Variants in CD300LD observed in about 807,000 individuals in gnomAD.
CD300LD encodes the protein CD300 molecule like family member d, also known as CMRF35-like molecule 5.
CD300LD carries 18 observed loss-of-function variants against 20.3 expected under a neutral mutation model. The ratio of observed to expected loss-of-function variants is 0.89; its 90% CI spans 0.61 to 1.32. The LOEUF is 1.32. CD300LD is among the 40% of genes most tolerant of loss of function. CD300LD has a pLI of 0.00. For missense variants in CD300LD, 195 were observed against 226.6 expected (o/e 0.86, Z 0.90); for synonymous variants, 104 against 90.1 (o/e 1.15, Z -0.87).
At chr17:74,580,441 G>T (rs2030008987) in intron 3 of CD300LD, among the ~76,000 whole-genome samples, 1 of 152,224 alleles carries the variant, frequency 6.6e-6, no homozygotes, top group Non-Finnish European at 1.5e-5. Context: ...GGCTTCTGCT[G>T]CATTCTGCAC....
chr17:74,584,319 C>T (rs776282939), intron 2 of CD300LD, among the ~76,000 whole-genome samples: 14 of 152,108 alleles, frequency 9.2e-5, no homozygotes, highest in African/African-American at 2.9e-4. Flanking sequence ...TCCAGGTACT[C>T]GAGAGTGTTT....
At chr17:74,581,999 G>A (rs2030045849) in intron 3 of CD300LD, among the ~76,000 whole-genome samples, 3 of 152,210 alleles carry the variant, frequency 2.0e-5, no homozygotes, top group Admixed American at 2.0e-4. Context: ...AGCATAGAAT[G>A]CTCAGTTAAA....
At position 74,588,562 on chromosome 17, in the gene CD300LD, CA is replaced by C. The variant is rs1029187269; in HGVS notation, c.327del (p.Glu110ArgfsTer13). On this transcript the variant is annotated frameshift_variant, in exon 2 of 4. Transcript: ENST00000375352. LOFTEE classifies it high-confidence loss of function. ...ACCCCAAGATCAATTCCAGGTCTCTCAGTCCCACACCAATAACTGTCAGCAT... is the reference window on the plus strand; with the variant it reads ...ACCCCAAGATCAATTCCAGGTCTCTCGTCCCACACCAATAACTGTCAGCAT... ...RDDADSYWCG[T>X]ERPGIDLGVK... 2.0e-5 allele frequency: 33 copies of C among 1,613,872 alleles called. No homozygotes were observed. The Admixed American group carries it at 4.2e-4, about 20-fold the overall frequency.
At position 74,582,410 on chromosome 17, in the gene CD300LD, G is replaced by T. The variant is rs572422105; in HGVS notation, c.380-99C>A. On this transcript the variant is annotated intron_variant, in intron 2 of 3. Transcript: ENST00000375352. The stretch of plus-strand genomic sequence containing the variant: ...TCCACCTAGGAATTAAGGAGCCTCT[G>T]CCTTGGGGTCCAAGACTGTCTGGTC... 2.0e-5 allele frequency: 18 copies of T among 880,130 alleles called. No homozygotes were observed. The African/African-American group carries it at 2.7e-4, about 13-fold the overall frequency. The allele number at this position is 880,130 out of a possible 1,614,324, so 54.5% of individuals were successfully genotyped here.
At chr17:74,589,994 C>A (rs1252008619) in intron 1 of CD300LD, among the ~76,000 whole-genome samples, 1 of 152,166 alleles carries the variant, frequency 6.6e-6, no homozygotes, top group East Asian at 1.9e-4. Context: ...TGAACCTGGG[C>A]AAATTAACCT....
At chr17:74,582,167 A>C (rs1287148920) in intron 3 of CD300LD, 51 bp downstream of exon 3, 2 of 1,461,708 alleles carry the variant, frequency 1.4e-6, no homozygotes, top group Non-Finnish European at 1.9e-6. Context: ...GTTAGAGGAG[A>C]GGCCATGGGG....
Position 74,579,543 on chromosome 17 carries a change from A to T in CD300LD, c.*459T>A, listed in dbSNP as rs1347605105. 2 of 158,016 alleles carry T rather than the reference A, an allele frequency of 1.3e-5. No homozygotes were observed. Among genetic ancestry groups the T allele is most frequent in the Non-Finnish European group, 2.8e-5 (2 of 71,842 alleles). 9.8% of individuals were successfully genotyped at this position (158,016 alleles called of 1,614,324 possible). ...AGGGGACTAGGAGGCTGTTCCCTGAAGCTGGGGCCAGCACTGCCTCTAGAA... is the reference window on the plus strand; with the variant it reads ...AGGGGACTAGGAGGCTGTTCCCTGATGCTGGGGCCAGCACTGCCTCTAGAA... On this transcript the variant is annotated 3_prime_UTR_variant, in exon 4 of 4. Transcript: ENST00000375352.
intron 2 of CD300LD, among the ~76,000 whole-genome samples, chr17:74,586,671 C>T (rs1219025564): frequency 2.0e-5 from 3 of 152,200 alleles, no homozygotes; most frequent in African/African-American, 4.8e-5. Flanking sequence ...AGTCAGAGAA[C>T]AGGTAACGTT....
At position 74,588,610 on chromosome 17, in the gene CD300LD, T is replaced by C. The variant is rs1343826555; in HGVS notation, c.280A>G (p.Met94Val). The C allele has an allele frequency of 3.7e-6, 6 of 1,613,988 alleles. No individual in the cohort carries two copies. In the African/African-American group the frequency reaches 8.0e-5, roughly 22 times the overall value. Residue 94 changes from methionine (M) to valine (V), a missense_variant, in exon 2 of 4, where the codon ATG (methionine) becomes GTG (valine). Transcript: ENST00000375352. ...GCATCATCTCTTTTGAGATTCTCCA[T>C]GGTCACGGTGAACACGTGGTTTTTC... ...NQKNHVFTVT[M>V]ENLKRDDADS...
rs896722411 is a variant in CD300LD at position 74,579,769 on chromosome 17, C to T, written c.*233G>A. The T allele has an allele frequency of 3.1e-5, 9 of 286,140 alleles. No homozygotes were observed. The highest frequency in any genetic ancestry group is 6.1e-5 in the Non-Finnish European group (9 of 147,910). The allele number at this position is 286,140 out of a possible 1,614,324, so 17.7% of individuals were successfully genotyped here. On this transcript the variant is annotated 3_prime_UTR_variant, in exon 4 of 4. Transcript: ENST00000375352. Reference sequence around the variant, plus strand: ...GGGTGGTGGCATGTGCCTGTAGCCCCAGCTACTCTGGAGGTTGAGGCAGGA... The same window carrying T: ...GGGTGGTGGCATGTGCCTGTAGCCCTAGCTACTCTGGAGGTTGAGGCAGGA...
chr17:74,592,188 T>C lies in CD300LD; in HGVS notation c.15A>G (p.Pro5=). 6.2e-7 allele frequency: 1 copy of C among 1,614,150 alleles called. No individual in the cohort carries two copies. The highest frequency in any genetic ancestry group is 8.5e-7 in the Non-Finnish European group (1 of 1,180,014). The change falls in exon 1 of 4, where the codon CCA becomes CCG. Residue 5 remains proline, a synonymous_variant. Transcript: ENST00000375352. Reference sequence around the variant, plus strand: ...CTGGGAGGATGAGAAGCAGCAGAGATGGGGACAGCCACATGGTCCTGTCTC... The same window carrying C: ...CTGGGAGGATGAGAAGCAGCAGAGACGGGGACAGCCACATGGTCCTGTCTC... MWLS[P]SLLLLILPGY...
chr17:74,587,878 T>A (rs2030203536), intron 2 of CD300LD, among the ~76,000 whole-genome samples: 1 of 150,400 alleles, frequency 6.6e-6, no homozygotes, highest in South Asian at 2.1e-4. Context: ...TAGAAAGACT[T>A]AATCCCATCC....
At chr17:74,589,260 G>A (rs1235621864) in intron 1 of CD300LD, among the ~76,000 whole-genome samples, 1 of 152,032 alleles carries the variant, frequency 6.6e-6, no homozygotes, top group East Asian at 1.9e-4. Flanking sequence ...GTTCCTAGTG[G>A]TTCTAATGGT....
chr17:74,587,122 C>T (rs1192185960), intron 2 of CD300LD, among the ~76,000 whole-genome samples: 1 of 151,780 alleles, frequency 6.6e-6, no homozygotes, highest in Non-Finnish European at 1.5e-5. Flanking sequence ...GCACTCCAGC[C>T]CAGGCAACAA....
At chr17:74,582,905 G>T (rs2030069807) in intron 2 of CD300LD, among the ~76,000 whole-genome samples, 1 of 152,202 alleles carries the variant, frequency 6.6e-6, no homozygotes, top group Non-Finnish European at 1.5e-5. Context: ...GACGGTGTGT[G>T]TAGTGAGTTT....
chr17:74,590,403 T>C (rs1007391564), intron 1 of CD300LD: 2 of 152,170 alleles, frequency 1.3e-5, no homozygotes, highest in Admixed American at 6.5e-5. Context: ...TAAGTGGGAA[T>C]AGTAATGGCA....
chr17:74,592,099 G>T (rs1304874715), intron 1 of CD300LD, 64 bp downstream of exon 1: 1 of 1,613,878 alleles, frequency 6.2e-7, no homozygotes, highest in Admixed American at 1.7e-5. Flanking sequence ...CCTGAGAACA[G>T]AGCGTCTCTG....
intron 3 of CD300LD, among the ~76,000 whole-genome samples, chr17:74,581,571 C>T (rs1337658111): frequency 6.6e-6 from 1 of 152,230 alleles, no homozygotes; most frequent in Non-Finnish European, 1.5e-5. Flanking sequence ...CTTCCAGCTT[C>T]CCCCTTTCCC....
At position 74,580,008 on chromosome 17, in the gene CD300LD, C is replaced by T. The variant is rs1478296240; in HGVS notation, c.579G>A (p.Arg193=). 1.2e-6 allele frequency: 2 copies of T among 1,608,742 alleles called. No homozygotes were observed. Among genetic ancestry groups the T allele is most frequent in the Admixed American group, 1.7e-5 (1 of 59,648 alleles). The change falls in exon 4 of 4, where the codon AGG becomes AGA. Residue 193 remains arginine, a synonymous_variant. Transcript: ENST00000375352. ...CGGGCTGACTCCTCCTCCTTCAAGA[C>T]CTTCTTTGTGGTCTGTTTACCCAGA... ...TVLWVNRPQR[R]S
Sources: allele counts gnomAD v4.1 joint callset (sites outside exome capture counted in the v4.1 genomes callset), GRCh38; gene constraint gnomAD v4.1.1; transcripts MANE v1.5; gene names NCBI Gene and HGNC (gene_info 2026-07-23, HGNC 2026-07-21).